Variants in KLRG2 observed in about 807,000 individuals in gnomAD.
KLRG2 encodes the protein killer cell lectin like receptor G2, also known as killer cell lectin-like receptor subfamily G member 2.
KLRG2 carries 39 observed loss-of-function variants against 35.4 expected under a neutral mutation model. That is an observed-to-expected ratio of 1.10 (90% CI 0.85 to 1.44). KLRG2 has a LOEUF of 1.44. Among genes scored for constraint, KLRG2 ranks in the 40% most tolerant of loss-of-function variants. The pLI is 0.00. For synonymous variants in KLRG2, 283 were observed against 265.8 expected, an observed-to-expected ratio of 1.06 and a Z score of -0.63; for missense variants, 632 against 570.9, an observed-to-expected ratio of 1.11 and a Z score of -1.09.
intron 3 of KLRG2, among the ~76,000 whole-genome samples, chr7:139,470,472 C>G (rs1796737007): frequency 6.6e-6 from 1 of 152,124 alleles, no homozygotes; most frequent in African/African-American, 2.4e-5. Context: ...CTCTGTCAAA[C>G]TGACAAAGAT....
the KLRG2 span, among the ~76,000 whole-genome samples, chr7:139,440,860 A>C: frequency 1.3e-5 from 2 of 152,228 alleles, no homozygotes; most frequent in African/African-American, 4.8e-5. Flanking sequence ...AGCAGGCTCT[A>C]TTTTAATATT....
Position 139,483,384 on chromosome 7 carries a change from AG to A in KLRG2, c.258del (p.Tyr87ThrfsTer40). On this transcript the variant is annotated frameshift_variant, in exon 1 of 5. Transcript: ENST00000340940. LOFTEE classifies it high-confidence loss of function. ...GSPRVPPLSL[G>X]YGVCPEPPSP... ...GACGGCGGCTCGGGGCAGACCCCGT[AG>A]CCCAGGCTGAGCGGCGGCACGCGCG... is the stretch of plus-strand genomic sequence containing the variant. The A allele has an allele frequency of 6.5e-7, 1 of 1,539,642 alleles. No individual in the cohort carries two copies. Among genetic ancestry groups the A allele is most frequent in the Non-Finnish European group, 8.7e-7 (1 of 1,155,142 alleles).
At chr7:139,444,374 G>T in the KLRG2 span, among the ~76,000 whole-genome samples, 2 of 148,202 alleles carry the variant, frequency 1.3e-5, no homozygotes, top group African/African-American at 5.2e-5. Flanking sequence ...AGAGAAGGGG[G>T]TTTCACCACG....
At chr7:139,443,905 G>C in the KLRG2 span, among the ~76,000 whole-genome samples, 516 of 152,302 alleles carry the variant, frequency 3.4e-3, 3 homozygotes, top group Middle Eastern at 0.014. Context: ...GAAGCCAGTA[G>C]TAGCTCAGTC....
chr7:139,467,458 T>C (rs1796681400), intron 3 of KLRG2, among the ~76,000 whole-genome samples: 2 of 152,192 alleles, frequency 1.3e-5, no homozygotes, highest in East Asian at 3.9e-4. Flanking sequence ...TAGAAAGAAG[T>C]AGACATAGGA....
the KLRG2 span, among the ~76,000 whole-genome samples, chr7:139,445,090 T>A: frequency 2.6e-5 from 4 of 152,070 alleles, no homozygotes; most frequent in African/African-American, 9.6e-5. Flanking sequence ...TATTTTTTTT[T>A]TTTTTCGAGT....
At chr7:139,454,867 C>T (rs958409385) in intron 3 of KLRG2, among the ~76,000 whole-genome samples, 4 of 143,172 alleles carry the variant, frequency 2.8e-5, no homozygotes, top group Admixed American at 2.1e-4. Flanking sequence ...ATAATAATAA[C>T]ACACGCAGAT....
At chr7:139,473,552 T>C (rs942298979) in intron 3 of KLRG2, among the ~76,000 whole-genome samples, 8 of 152,036 alleles carry the variant, frequency 5.3e-5, no homozygotes, top group African/African-American at 1.9e-4. Flanking sequence ...GATCACAACA[T>C]TTGAGGAAAT....
chr7:139,482,161 G>A (rs1332165790), intron 1 of KLRG2, among the ~76,000 whole-genome samples: 1 of 152,108 alleles, frequency 6.6e-6, no homozygotes, highest in Non-Finnish European at 1.5e-5. Context: ...GAGTGTTTGG[G>A]GCTAAATGTT....
rs1796481026 is a variant in KLRG2 at position 139,456,637 on chromosome 7, C to G, written c.1006-2423G>C. Among the ~76,000 whole-genome samples the G allele has an allele frequency of 2.0e-5, 3 of 152,282 alleles. No homozygotes were observed. The South Asian group carries it at 6.2e-4, about 32-fold the overall frequency. ...AAAGTGCTAGGATTACAGGTATAAGCCACTGCACCCAGCCTCTCTTTTTTA... is the reference window on the plus strand; with the variant it reads ...AAAGTGCTAGGATTACAGGTATAAGGCACTGCACCCAGCCTCTCTTTTTTA... On this transcript the variant is annotated intron_variant, in intron 3 of 4. Transcript: ENST00000340940.
chr7:139,469,276 C>T (rs1038266086), intron 3 of KLRG2, among the ~76,000 whole-genome samples: 3 of 152,212 alleles, frequency 2.0e-5, no homozygotes, highest in African/African-American at 7.2e-5. Flanking sequence ...TCTCCTGCCT[C>T]AGCCTCCCGA....
At chr7:139,439,061 G>A in the KLRG2 span, among the ~76,000 whole-genome samples, 32 of 152,166 alleles carry the variant, frequency 2.1e-4, 1 homozygote, top group African/African-American at 6.3e-4. Context: ...CCAGGAATCC[G>A]GGAGAAATGA....
chr7:139,449,903 C>G (rs554530878), downstream of KLRG2, among the ~76,000 whole-genome samples: 138 of 150,706 alleles, frequency 9.2e-4, 2 homozygotes, highest in South Asian at 0.013. Flanking sequence ...GGGTTTCATC[C>G]TGTTAGCCAG....
chr7:139,464,093 T>G (rs963296687), intron 3 of KLRG2, among the ~76,000 whole-genome samples: 1 of 152,184 alleles, frequency 6.6e-6, no homozygotes, highest in Non-Finnish European at 1.5e-5. Flanking sequence ...TGACTGTTCC[T>G]GGGCTACAGC....
chr7:139,470,488 CAA>C (rs1450659220), intron 3 of KLRG2, among the ~76,000 whole-genome samples: 7 of 152,118 alleles, frequency 4.6e-5, no homozygotes. Flanking sequence ...AAGATTTAAA[CAA>C]AAGTTAGAAA....
the KLRG2 span, among the ~76,000 whole-genome samples, chr7:139,433,888 G>A: frequency 1.8e-4 from 27 of 152,000 alleles, no homozygotes; most frequent in Non-Finnish European, 2.8e-4. Flanking sequence ...CCCCCGCCTC[G>A]GCCTCCCAAA....
chr7:139,447,334 A>G, the KLRG2 span, among the ~76,000 whole-genome samples: 2 of 151,840 alleles, frequency 1.3e-5, no homozygotes, highest in African/African-American at 4.8e-5. Context: ...GGTATGGCCT[A>G]TTACTCCTAA....
chr7:139,445,793 G>GTATATATATATGTATATATATA, the KLRG2 span, among the ~76,000 whole-genome samples: 15 of 95,560 alleles, frequency 1.6e-4, no homozygotes, highest in South Asian at 4.1e-3. Flanking sequence ...ATATATATAT[G>GTATATATATATGTATATATATA]TGTGTATATA....
intron 3 of KLRG2, among the ~76,000 whole-genome samples, chr7:139,455,521 C>T (rs1404282426): frequency 6.6e-6 from 1 of 151,878 alleles, no homozygotes. Context: ...TGGGGTTTCA[C>T]CGTGTTAGCC....
Sources: gnomAD v4.1 joint callset for allele counts (sites outside exome capture counted in the v4.1 genomes callset) on GRCh38, gnomAD v4.1.1 for gene constraint, MANE v1.5 for transcripts, NCBI Gene and HGNC (gene_info 2026-07-23, HGNC 2026-07-21) for gene names.